The following FHIT variants were observed in gnomAD, a reference collection of about 807,000 sequenced individuals.
FHIT encodes the protein fragile histidine triad diadenosine triphosphatase, also known as bis(5'-adenosyl)-triphosphatase.
Under a neutral mutation model 17.9 loss-of-function variants are expected in FHIT, and 19 were observed. The ratio of observed to expected loss-of-function variants is 1.06; its 90% CI spans 0.74 to 1.56. The LOEUF (loss-of-function observed/expected upper bound fraction) is 1.56, where lower values mean the gene tolerates loss of function less well. FHIT is among the 40% of genes most tolerant of loss of function. The probability of loss-of-function intolerance (pLI) is 0.00; values close to 1 mark genes in which losing one functional copy is unlikely to be tolerated. For missense variants in FHIT, 248 were observed against 189.2 expected, an observed-to-expected ratio of 1.31 and a Z score of -1.82; for synonymous variants, 81 against 69.7, an observed-to-expected ratio of 1.16 and a Z score of -0.81.
At chr3:60,491,812 G>T (rs976139192) in intron 5 of FHIT, among the ~76,000 whole-genome samples, 25 of 151,962 alleles carry the variant, frequency 1.6e-4, no homozygotes, top group African/African-American at 5.3e-4. Context: ...TCTTTATGTT[G>T]TTATTTATTT....
chr3:60,735,645 T>C (rs1029515601), intron 4 of FHIT, among the ~76,000 whole-genome samples: 4 of 152,144 alleles, frequency 2.6e-5, no homozygotes, highest in Non-Finnish European at 5.9e-5. Context: ...GAAAGAAAAC[T>C]AAGAGATGAT....
At chr3:60,694,435 G>A (rs1209100758) in intron 4 of FHIT, among the ~76,000 whole-genome samples, 1 of 152,178 alleles carries the variant, frequency 6.6e-6, no homozygotes, top group East Asian at 1.9e-4. Flanking sequence ...AGAGGATGTG[G>A]AGAAATAGGA....
chr3:60,118,086 A>C (rs929153119), intron 5 of FHIT, among the ~76,000 whole-genome samples: 1 of 152,190 alleles, frequency 6.6e-6, no homozygotes, highest in African/African-American at 2.4e-5. Context: ...GTGAATGTAC[A>C]GCAAGGTGTT....
intron 5 of FHIT, among the ~76,000 whole-genome samples, chr3:60,534,701 T>C (rs886492481): frequency 6.6e-6 from 1 of 152,094 alleles, no homozygotes; most frequent in African/African-American, 2.4e-5. Flanking sequence ...CCAAACAAAC[T>C]GAAGTGTGTT....
chr3:60,870,159 G>T (rs1482510111), intron 3 of FHIT, among the ~76,000 whole-genome samples: 3 of 151,982 alleles, frequency 2.0e-5, no homozygotes, highest in African/African-American at 7.3e-5. Flanking sequence ...CAGCATGTAT[G>T]AGCAACAGTA....
intron 7 of FHIT, among the ~76,000 whole-genome samples, chr3:59,941,929 A>ATGT (rs1706540160): frequency 6.6e-6 from 1 of 152,118 alleles, no homozygotes; most frequent in Non-Finnish European, 1.5e-5. Flanking sequence ...TGGAAAAGCA[A>ATGT]TGTTACCTTG....
At chr3:60,565,583 AATAT>A (rs1391073218) in intron 4 of FHIT, among the ~76,000 whole-genome samples, 2 of 152,198 alleles carry the variant, frequency 1.3e-5, no homozygotes, top group Non-Finnish European at 2.9e-5. Flanking sequence ...TACTCAGAAA[AATAT>A]TTCAAGCAAA....
At chr3:60,214,587 C>A (rs919887987) in intron 5 of FHIT, among the ~76,000 whole-genome samples, 3 of 152,152 alleles carry the variant, frequency 2.0e-5, no homozygotes, top group Admixed American at 6.5e-5. Flanking sequence ...AGTTCACTCA[C>A]TGTGGAAAGC....
At chr3:59,866,515 G>A (rs1702657418) in intron 8 of FHIT, among the ~76,000 whole-genome samples, 1 of 152,182 alleles carries the variant, frequency 6.6e-6, no homozygotes, top group South Asian at 2.1e-4. Context: ...CTTCCACACA[G>A]AGAGTAGATT....
At chr3:60,748,247 A>G (rs1232591051) in intron 4 of FHIT, among the ~76,000 whole-genome samples, 4 of 152,206 alleles carry the variant, frequency 2.6e-5, no homozygotes, top group African/African-American at 9.6e-5. Flanking sequence ...CTTTTCCTTT[A>G]TCTTCTTATG....
chr3:59,910,702 G>A (rs552091537), intron 8 of FHIT, among the ~76,000 whole-genome samples: 1 of 152,310 alleles, frequency 6.6e-6, no homozygotes, highest in African/African-American at 2.4e-5. Flanking sequence ...GAACAAGCCT[G>A]TAAAATCCAT....
At chr3:61,208,992 G>T (rs1048850334) in intron 1 of FHIT, among the ~76,000 whole-genome samples, 1 of 151,972 alleles carries the variant, frequency 6.6e-6, no homozygotes, top group African/African-American at 2.4e-5. Context: ...TCCTTCAGGG[G>T]CTCTTTTAGG....
chr3:60,433,014 A>G (rs1327441657), intron 5 of FHIT, among the ~76,000 whole-genome samples: 1 of 152,006 alleles, frequency 6.6e-6, no homozygotes, highest in Non-Finnish European at 1.5e-5. Flanking sequence ...CATTACACAG[A>G]TCATCTCTAG....
chr3:60,522,103 G>A (rs1343568542), intron 5 of FHIT, among the ~76,000 whole-genome samples: 2 of 121,344 alleles, frequency 1.6e-5, no homozygotes, highest in Non-Finnish European at 3.4e-5. Flanking sequence ...ACAGCAACCA[G>A]AAGTTTTTTT....
At chr3:60,797,631 C>T (rs565331480) in intron 4 of FHIT, among the ~76,000 whole-genome samples, 19 of 150,646 alleles carry the variant, frequency 1.3e-4, no homozygotes, top group East Asian at 1.9e-4. Context: ...CATTATTAAA[C>T]GATTGATGCT....
chr3:60,112,528 G>C (rs561914214), intron 5 of FHIT, among the ~76,000 whole-genome samples: 2 of 152,146 alleles, frequency 1.3e-5, no homozygotes, highest in African/African-American at 4.8e-5. Flanking sequence ...CATTGCCACA[G>C]CTACGTTTAC....
At chr3:60,441,167 T>C (rs2030763827) in intron 5 of FHIT, among the ~76,000 whole-genome samples, 1 of 152,054 alleles carries the variant, frequency 6.6e-6, no homozygotes, top group Non-Finnish European at 1.5e-5. Flanking sequence ...AAAAAGGCCA[T>C]TTTACACAGA....
chr3:60,188,275 G>C (rs1424223957), intron 5 of FHIT, among the ~76,000 whole-genome samples: 2 of 134,120 alleles, frequency 1.5e-5, no homozygotes, highest in African/African-American at 5.6e-5. Flanking sequence ...TTCAAAATTA[G>C]ACATTTTCAA....
At chr3:59,974,398 C>T (rs1379625860) in intron 7 of FHIT, among the ~76,000 whole-genome samples, 1 of 152,174 alleles carries the variant, frequency 6.6e-6, no homozygotes, top group Non-Finnish European at 1.5e-5. Flanking sequence ...TTCATTTCTA[C>T]AATTAAACAC....
Sources: gnomAD v4.1 joint callset for allele counts (sites outside exome capture counted in the v4.1 genomes callset) on GRCh38, gnomAD v4.1.1 for gene constraint, MANE v1.5 for transcripts, NCBI Gene and HGNC (gene_info 2026-07-23, HGNC 2026-07-21) for gene names.